The following SLC24A2 variants were observed in gnomAD, a reference collection of about 807,000 sequenced individuals.
The protein encoded by SLC24A2 is solute carrier family 24 member 2.
A neutral mutation model predicts 62.0 loss-of-function variants in SLC24A2; 36 were observed. The observed-to-expected ratio is 0.58, with a 90% CI of 0.44 to 0.77. The LOEUF (loss-of-function observed/expected upper bound fraction) is 0.77, where lower values mean the gene tolerates loss of function less well. Among genes scored for constraint, SLC24A2 ranks in the 30% least tolerant of loss-of-function variants. The pLI is 0.00. For missense variants in SLC24A2, 846 were observed against 817.9 expected (o/e 1.03, Z -0.42); for synonymous variants, 358 against 294.0 (o/e 1.22, Z -2.23).
At position 19,576,946 on chromosome 9, in the gene SLC24A2, C is replaced by T; in HGVS notation, c.1206G>A (p.Gln402=). Residue 402 remains glutamine, a synonymous_variant, in exon 6 of 11, where the codon CAG becomes CAA. Coordinates refer to ENST00000341998, the MANE Select transcript of SLC24A2 (RefSeq NM_020344.4). ...KKCHVDENER[Q]NGAANHVEKI... ...CACCCACGTGGTTGGCAGCCCCATTCTGCCTCTCGTTCTCATCCACATGAC... is the reference window on the plus strand; with the variant it reads ...CACCCACGTGGTTGGCAGCCCCATTTTGCCTCTCGTTCTCATCCACATGAC... The T allele has an allele frequency of 6.2e-7, 1 of 1,614,062 alleles. No individual in the cohort carries two copies. Among genetic ancestry groups the T allele is most frequent in the Admixed American group, 1.7e-5 (1 of 60,024 alleles).
the SLC24A2 span, among the ~76,000 whole-genome samples, chr9:20,175,018 T>A: frequency 4.6e-5 from 1 of 21,890 alleles, no homozygotes; most frequent in Non-Finnish European, 7.7e-5. Flanking sequence ...CTGAATTTTT[T>A]ATATATATAT....
the SLC24A2 span, among the ~76,000 whole-genome samples, chr9:19,973,512 G>A: frequency 2.9e-4 from 44 of 152,322 alleles, no homozygotes; most frequent in East Asian, 1.2e-3. Flanking sequence ...CGTGGGCGTT[G>A]GAGCAAGACA....
chr9:19,871,206 C>A, the SLC24A2 span, among the ~76,000 whole-genome samples: 1 of 152,188 alleles, frequency 6.6e-6, no homozygotes, highest in African/African-American at 2.4e-5. Context: ...GCCTTCTGAC[C>A]TCCATTATTT....
At chr9:20,305,227 C>A in the SLC24A2 span, among the ~76,000 whole-genome samples, 2 of 151,718 alleles carry the variant, frequency 1.3e-5, no homozygotes, top group African/African-American at 2.4e-5. Context: ...CCTGCCTCAG[C>A]CTCCTGAGTA....
upstream of SLC24A2, among the ~76,000 whole-genome samples, chr9:19,791,144 A>C (rs560690056): frequency 6.6e-6 from 1 of 152,350 alleles, no homozygotes; most frequent in East Asian, 1.9e-4. Context: ...TCAAGATGCT[A>C]TCTGGGAACC....
In SLC24A2 at chr9:19,516,037, G is replaced by C; in HGVS notation, c.*116C>G. 1 of 1,301,418 alleles carries C rather than the reference G, an allele frequency of 7.7e-7. No individual in the cohort carries two copies. The highest frequency in any genetic ancestry group is 1.1e-6 in the Non-Finnish European group (1 of 898,316). The allele number at this position is 1,301,418 out of a possible 1,614,324, so 80.6% of individuals were successfully genotyped here. A position where few individuals can be genotyped will look rare whatever the true frequency, so the allele number is the denominator to read the frequency against. Reference sequence around the variant, plus strand: ...TCTCTCCTCAAATTCACCAAGGAGGGACACTTGGCACCCAGGGCTGTGTGC... The same window carrying C: ...TCTCTCCTCAAATTCACCAAGGAGGCACACTTGGCACCCAGGGCTGTGTGC... On this transcript the variant is annotated 3_prime_UTR_variant, in exon 11 of 11. Transcript: ENST00000341998.
chr9:19,636,409 T>TCTCTC (rs1450129313), intron 2 of SLC24A2, among the ~76,000 whole-genome samples: 1 of 40,098 alleles, frequency 2.5e-5, no homozygotes, highest in Non-Finnish European at 4.6e-5. Flanking sequence ...CTCTCTCTCT[T>TCTCTC]TCTTTCTTTC....
the SLC24A2 span, among the ~76,000 whole-genome samples, chr9:19,851,008 CAT>C: frequency 1.6e-3 from 52 of 31,516 alleles, 2 homozygotes; most frequent in East Asian, 6.0e-3. Context: ...TATACACATA[CAT>C]ATATATATAT....
At chr9:20,211,856 A>T in the SLC24A2 span, among the ~76,000 whole-genome samples, 1 of 152,172 alleles carries the variant, frequency 6.6e-6, no homozygotes, top group East Asian at 1.9e-4. Flanking sequence ...TAATAATTAA[A>T]GAGGTATTGG....
chr9:19,946,628 C>A, the SLC24A2 span, among the ~76,000 whole-genome samples: 97 of 152,342 alleles, frequency 6.4e-4, no homozygotes, highest in African/African-American at 2.2e-3. Context: ...ATGAGACAAC[C>A]TGTGCTTAAG....
intron 2 of SLC24A2, among the ~76,000 whole-genome samples, chr9:19,784,949 T>A: frequency 6.6e-6 from 1 of 151,920 alleles, no homozygotes; most frequent in East Asian, 2.0e-4. Flanking sequence ...GAACAAAATC[T>A]TTCACCCCCT....
the SLC24A2 span, among the ~76,000 whole-genome samples, chr9:19,876,657 A>G: frequency 6.6e-6 from 1 of 152,162 alleles, no homozygotes; most frequent in Non-Finnish European, 1.5e-5. Context: ...ACTAATAGAT[A>G]TTATGAAAGA....
the SLC24A2 span, among the ~76,000 whole-genome samples, chr9:19,896,700 A>G: frequency 1.3e-5 from 2 of 152,198 alleles, no homozygotes; most frequent in African/African-American, 4.8e-5. Context: ...CAGAGCCAAT[A>G]TCCTTCACAG....
the SLC24A2 span, among the ~76,000 whole-genome samples, chr9:20,277,019 C>A: frequency 1.3e-5 from 2 of 152,196 alleles, no homozygotes; most frequent in African/African-American, 4.8e-5. Flanking sequence ...CTGACATGCC[C>A]TAGACATGTT....
chr9:20,233,100 A>G, the SLC24A2 span, among the ~76,000 whole-genome samples: 1 of 152,210 alleles, frequency 6.6e-6, no homozygotes, highest in South Asian at 2.1e-4. Flanking sequence ...ACAGTTTGTT[A>G]TAATTTCTGT....
the SLC24A2 span, among the ~76,000 whole-genome samples, chr9:20,206,836 A>T: frequency 6.7e-6 from 1 of 149,802 alleles, no homozygotes; most frequent in African/African-American, 2.5e-5. Flanking sequence ...GTTCTAACAT[A>T]ACAAAAACTG....
At chr9:20,246,877 A>G in the SLC24A2 span, among the ~76,000 whole-genome samples, 3 of 152,194 alleles carry the variant, frequency 2.0e-5, no homozygotes, top group East Asian at 5.8e-4. Context: ...CCACCACCCT[A>G]TCTCCACTGC....
the SLC24A2 span, among the ~76,000 whole-genome samples, chr9:20,045,327 T>C: frequency 1.3e-5 from 2 of 151,968 alleles, no homozygotes; most frequent in African/African-American, 4.8e-5. Flanking sequence ...ATCTACTAGG[T>C]GGGGAGTCTC....
intron 2 of SLC24A2, among the ~76,000 whole-genome samples, chr9:19,643,936 G>A (rs1587085724): frequency 6.6e-6 from 1 of 152,140 alleles, no homozygotes; most frequent in Non-Finnish European, 1.5e-5. Flanking sequence ...CAACTGAGTG[G>A]GACTGAAGGT....
Sources: gnomAD v4.1 joint callset for allele counts (sites outside exome capture counted in the v4.1 genomes callset) on GRCh38, gnomAD v4.1.1 for gene constraint, MANE v1.5 for transcripts, NCBI Gene and HGNC (gene_info 2026-07-23, HGNC 2026-07-21) for gene names.